Variants in PHF24 observed in about 807,000 individuals in gnomAD.
PHF24 encodes the protein PHD finger protein 24, also known as Galpha inhibitory interacting protein.
Under a neutral mutation model 42.6 loss-of-function variants are expected in PHF24, and 25 were observed. The ratio of observed to expected loss-of-function variants is 0.59; its 90% confidence interval spans 0.43 to 0.82. The LOEUF (loss-of-function observed/expected upper bound fraction) is 0.82, where lower values mean the gene tolerates loss of function less well. Ranked by LOEUF, PHF24 falls within the 40% of genes least tolerant of loss-of-function variation. PHF24 has a pLI of 0.00. For missense variants in PHF24, 470 were observed against 538.1 expected, an observed-to-expected ratio of 0.87 and a Z score of 1.25; for synonymous variants, 185 against 204.8, an observed-to-expected ratio of 0.90 and a Z score of 0.83.
chr9:34,932,276 C>T, the PHF24 span, among the ~76,000 whole-genome samples: 1 of 152,152 alleles, frequency 6.6e-6, no homozygotes, highest in Non-Finnish European at 1.5e-5. Flanking sequence ...CATTTTTTTC[C>T]CATGCTGAAG....
chr9:34,809,559 A>T, the PHF24 span, among the ~76,000 whole-genome samples: 1 of 152,212 alleles, frequency 6.6e-6, no homozygotes, highest in African/African-American at 2.4e-5. This position sits in a 1 kb window ranked among gnomAD's most constrained non-coding sequence, Gnocchi z 4.1. Context: ...TCATTTGGAC[A>T]TTCCGGAGGC....
the PHF24 span, among the ~76,000 whole-genome samples, chr9:34,807,618 C>T: frequency 2.0e-5 from 3 of 152,020 alleles, no homozygotes; most frequent in African/African-American, 7.3e-5. Context: ...CAGTAATAAC[C>T]ACTGAGAGAG....
the PHF24 span, among the ~76,000 whole-genome samples, chr9:34,905,917 G>A: frequency 6.6e-6 from 1 of 152,164 alleles, no homozygotes; most frequent in African/African-American, 2.4e-5. Context: ...TGTGTCACGT[G>A]GACATGAACT....
At chr9:34,691,503 G>C in the PHF24 span, among the ~76,000 whole-genome samples, 3 of 152,186 alleles carry the variant, frequency 2.0e-5, no homozygotes, top group African/African-American at 7.2e-5. Context: ...GCTGTGCACT[G>C]TTTCTCCAGA....
At chr9:34,689,005 G>T in the PHF24 span, among the ~76,000 whole-genome samples, 4 of 152,186 alleles carry the variant, frequency 2.6e-5, no homozygotes, top group Non-Finnish European at 5.9e-5. The surrounding 1 kb of genome is among the most constrained non-coding windows in gnomAD (Gnocchi z 4.1). Flanking sequence ...GTCAGGGAAG[G>T]CTTCCTGGAG....
At chr9:34,728,922 G>T in the PHF24 span, among the ~76,000 whole-genome samples, 1 of 152,178 alleles carries the variant, frequency 6.6e-6, no homozygotes, top group African/African-American at 2.4e-5. Context: ...GGATGACACA[G>T]GAGGAAAAGC....
At chr9:34,760,384 G>A in the PHF24 span, among the ~76,000 whole-genome samples, 1 of 152,216 alleles carries the variant, frequency 6.6e-6, no homozygotes, top group African/African-American at 2.4e-5. Flanking sequence ...GAGCTTCGCT[G>A]TGTCTCATAC....
the PHF24 span, among the ~76,000 whole-genome samples, chr9:34,801,471 A>C: frequency 2.6e-5 from 4 of 152,224 alleles, no homozygotes; most frequent in Non-Finnish European, 4.4e-5. Flanking sequence ...GCCATAAAAA[A>C]GAATGAGATC....
At chr9:34,680,532 C>T in the PHF24 span, among the ~76,000 whole-genome samples, 1 of 148,094 alleles carries the variant, frequency 6.8e-6, no homozygotes, top group African/African-American at 2.5e-5. Flanking sequence ...ACTAAAAATA[C>T]AAAAAATTAG....
the PHF24 span, among the ~76,000 whole-genome samples, chr9:34,769,183 C>G: frequency 6.6e-6 from 1 of 152,182 alleles, no homozygotes; most frequent in Non-Finnish European, 1.5e-5. Flanking sequence ...GTGGCGCAGT[C>G]TTGGCTCACT....
chr9:34,667,828 A>G, the PHF24 span, among the ~76,000 whole-genome samples: 5 of 152,162 alleles, frequency 3.3e-5, no homozygotes, highest in African/African-American at 1.2e-4. Context: ...ATCTTCCTGA[A>G]AGGCCCTGGT....
the PHF24 span, among the ~76,000 whole-genome samples, chr9:34,701,848 A>C: frequency 6.6e-6 from 1 of 151,976 alleles, no homozygotes. This position sits in a 1 kb window ranked among gnomAD's most constrained non-coding sequence, Gnocchi z 5.8. Context: ...AATATGAAGC[A>C]TTTATCTTTC....
chr9:34,977,610 A>C, exon 7 of PHF24: 1 of 1,606,482 alleles, frequency 6.2e-7, no homozygotes, highest in Non-Finnish European at 8.5e-7. Context: ...GAGTCAGGAC[A>C]AGACCCTGCT....
chr9:34,911,488 G>A, the PHF24 span, among the ~76,000 whole-genome samples: 45 of 151,936 alleles, frequency 3.0e-4, no homozygotes, highest in Non-Finnish European at 2.5e-4. Context: ...TCCTGATGTC[G>A]TGATCCACCC....
At chr9:34,684,816 G>A in the PHF24 span, among the ~76,000 whole-genome samples, 1 of 152,284 alleles carries the variant, frequency 6.6e-6, no homozygotes, top group Admixed American at 6.5e-5. Context: ...GTCCCAGAAT[G>A]GTAGTGTTCC....
At chr9:34,802,722 C>G in the PHF24 span, among the ~76,000 whole-genome samples, 2 of 152,200 alleles carry the variant, frequency 1.3e-5, no homozygotes, top group African/African-American at 4.8e-5. Flanking sequence ...AAGAAATTCC[C>G]TATGTGGACA....
the PHF24 span, among the ~76,000 whole-genome samples, chr9:34,807,498 T>A: frequency 6.6e-6 from 1 of 152,222 alleles, no homozygotes; most frequent in Non-Finnish European, 1.5e-5. Flanking sequence ...TATATTTATA[T>A]TATAAAATCC....
At chr9:34,915,117 C>T in the PHF24 span, among the ~76,000 whole-genome samples, 4 of 148,030 alleles carry the variant, frequency 2.7e-5, no homozygotes, top group South Asian at 6.4e-4. Context: ...ACTGCAGCCT[C>T]GACCTCCTGG....
the PHF24 span, among the ~76,000 whole-genome samples, chr9:34,766,862 T>A: frequency 6.6e-6 from 1 of 152,236 alleles, no homozygotes; most frequent in South Asian, 2.1e-4. Flanking sequence ...ATGATGGTGA[T>A]GTACAGATGG....
Sources: gnomAD v4.1 joint callset for allele counts (sites outside exome capture counted in the v4.1 genomes callset) on GRCh38, gnomAD v4.1.1 for gene constraint, Gnocchi (gnomAD v3.1) non-coding constraint, MANE v1.5 for transcripts, NCBI Gene and HGNC (gene_info 2026-07-23, HGNC 2026-07-21) for gene names.